Variants in OPCML observed in about 807,000 individuals in gnomAD.
OPCML encodes the protein opioid binding protein/cell adhesion molecule like.
OPCML carries 13 observed loss-of-function variants against 37.8 expected under a neutral mutation model. The observed-to-expected ratio is 0.34, with a 90% confidence interval of 0.22 to 0.55. The LOEUF (loss-of-function observed/expected upper bound fraction) is 0.55, where lower values mean the gene tolerates loss of function less well. Ranked by LOEUF, OPCML falls within the 20% of genes least tolerant of loss-of-function variation. The pLI is 0.91. For synonymous variants in OPCML, 176 were observed against 168.8 expected (o/e 1.04, Z -0.33); for missense variants, 341 against 435.6 (o/e 0.78, Z 1.93).
At chr11:133,029,774 G>C (rs937910553) in intron 1 of OPCML, among the ~76,000 whole-genome samples, 4 of 152,018 alleles carry the variant, frequency 2.6e-5, no homozygotes, top group African/African-American at 9.7e-5. Flanking sequence ...CTGCTACTCA[G>C]GTGACAGGAT....
At chr11:133,458,548 C>T (rs1406299024) in intron 1 of OPCML, among the ~76,000 whole-genome samples, 1 of 87,248 alleles carries the variant, frequency 1.1e-5, no homozygotes, top group Non-Finnish European at 1.9e-5. Context: ...CATATATACA[C>T]GTGTGTGTGT....
intron 4 of OPCML, among the ~76,000 whole-genome samples, chr11:132,494,797 A>G (rs2096226231): frequency 6.6e-6 from 1 of 152,238 alleles, no homozygotes; most frequent in Non-Finnish European, 1.5e-5. Context: ...CTCCATGTCA[A>G]CACAAACACC....
rs549980053 is a variant in OPCML at position 132,678,990 on chromosome 11, C to T, written c.147-21671G>A. Among the ~76,000 whole-genome samples, 13 of 152,144 alleles carry T rather than the reference C, an allele frequency of 8.5e-5. No homozygotes were observed. The East Asian group carries it at 2.5e-3, about 29-fold the overall frequency. On this transcript the variant is annotated intron_variant, in intron 2 of 7. Coordinates refer to ENST00000524381, the MANE Select transcript of OPCML (RefSeq NM_001012393.5). ...GGGGAGAGCAGGGGATGTGTGGGGA[C>T]TCTGTATATTTCTCTCAATTTTACT...
At chr11:132,989,193 A>G (rs76432086) in intron 1 of OPCML, among the ~76,000 whole-genome samples, 2,015 of 152,318 alleles carry the variant, frequency 0.013, 21 homozygotes, top group Middle Eastern at 0.024. Context: ...ATATTTTCAT[A>G]GCAACCCTGT....
At chr11:133,341,963 C>A (rs1299233729) in intron 1 of OPCML, among the ~76,000 whole-genome samples, 1 of 151,828 alleles carries the variant, frequency 6.6e-6, no homozygotes, top group Non-Finnish European at 1.5e-5. Context: ...TGAATCGGAA[C>A]CAGGAATTAA....
intron 1 of OPCML, among the ~76,000 whole-genome samples, chr11:133,524,203 C>G (rs1948446506): frequency 6.6e-6 from 1 of 152,166 alleles, no homozygotes; most frequent in Non-Finnish European, 1.5e-5. Flanking sequence ...AGGATGTCCG[C>G]CATTCAGAAT....
At chr11:133,201,571 G>A (rs1011687702) in intron 1 of OPCML, among the ~76,000 whole-genome samples, 3 of 152,124 alleles carry the variant, frequency 2.0e-5, no homozygotes, top group African/African-American at 7.2e-5. Context: ...GCTGACACCA[G>A]GAAGATGCGT....
chr11:132,561,182 T>C (rs565897016), intron 3 of OPCML, among the ~76,000 whole-genome samples: 2 of 152,198 alleles, frequency 1.3e-5, no homozygotes, highest in African/African-American at 4.8e-5. Context: ...TTCCACTTCA[T>C]CTTCACTATG....
chr11:132,597,392 A>G (rs948393741), intron 3 of OPCML, among the ~76,000 whole-genome samples: 6 of 152,218 alleles, frequency 3.9e-5, no homozygotes, highest in African/African-American at 1.4e-4. Flanking sequence ...GGCTTTTAAC[A>G]TATGGCTGGC....
chr11:133,418,822 AC>A (rs746084830), intron 1 of OPCML, among the ~76,000 whole-genome samples: 70 of 152,244 alleles, frequency 4.6e-4, no homozygotes, highest in Non-Finnish European at 8.1e-4. Context: ...TTTCCCAATT[AC>A]TTTTATAGAT....
At position 132,680,327 on chromosome 11, in the gene OPCML, A is replaced by G. The variant is rs142685071; in HGVS notation, c.147-23008T>C. Among the ~76,000 whole-genome samples the G allele has an allele frequency of 2.7e-3, 404 of 152,314 alleles. 1 individual carries two copies. The highest frequency in any genetic ancestry group is 9.2e-3 in the African/African-American group (383 of 41,572). ...TATATTTCAGTAGTGGTCTTCTCTG[A>G]GTCATCATCAGCATCACCAAGTATA... On this transcript the variant is annotated intron_variant, in intron 2 of 7. Transcript: ENST00000524381.
chr11:132,864,350 G>C (rs1379026415), intron 2 of OPCML, among the ~76,000 whole-genome samples: 2 of 152,160 alleles, frequency 1.3e-5, no homozygotes, highest in African/African-American at 2.4e-5. Flanking sequence ...AGAAGGTGAA[G>C]GGAAAAACCC....
At chr11:133,282,172 C>T (rs1942176025) in intron 1 of OPCML, among the ~76,000 whole-genome samples, 2 of 152,116 alleles carry the variant, frequency 1.3e-5, no homozygotes, top group African/African-American at 4.8e-5. Flanking sequence ...AAAAGGGAGC[C>T]AAGGCATTTC....
intron 1 of OPCML, among the ~76,000 whole-genome samples, chr11:132,979,642 A>C (rs1030407984): frequency 4.6e-5 from 7 of 152,236 alleles, no homozygotes; most frequent in Non-Finnish European, 8.8e-5. Context: ...ATGTGTTTAC[A>C]AATTAATGCA....
At chr11:133,280,548 A>G (rs1346493135) in intron 1 of OPCML, among the ~76,000 whole-genome samples, 2 of 152,202 alleles carry the variant, frequency 1.3e-5, no homozygotes, top group African/African-American at 2.4e-5. Context: ...ACATTTGCGC[A>G]TATCTCCAGA....
At chr11:133,151,685 G>A (rs1445746685) in intron 1 of OPCML, among the ~76,000 whole-genome samples, 1 of 152,184 alleles carries the variant, frequency 6.6e-6, no homozygotes, top group African/African-American at 2.4e-5. Flanking sequence ...CTCTGTCCCA[G>A]AGGCTATTCT....
intron 2 of OPCML, among the ~76,000 whole-genome samples, chr11:132,878,448 T>A (rs1377978738): frequency 6.6e-6 from 1 of 152,200 alleles, no homozygotes; most frequent in Non-Finnish European, 1.5e-5. Context: ...TTTCTCTCCC[T>A]GCCTGATGGG....
chr11:133,024,455 A>G, intron 1 of OPCML: 9 of 983,390 alleles, frequency 9.2e-6, no homozygotes, highest in Non-Finnish European at 1.1e-5. Flanking sequence ...GAAGAGAAGC[A>G]GCTGCTCACA....
chr11:132,705,133 C>T (rs1410203597), intron 2 of OPCML, among the ~76,000 whole-genome samples: 1 of 152,068 alleles, frequency 6.6e-6, no homozygotes, highest in Non-Finnish European at 1.5e-5. Flanking sequence ...GGATATGTGT[C>T]CCCACCCAAA....
Sources: allele counts gnomAD v4.1 joint callset (sites outside exome capture counted in the v4.1 genomes callset), GRCh38; gene constraint gnomAD v4.1.1; transcripts MANE v1.5; gene names NCBI Gene and HGNC (gene_info 2026-07-23, HGNC 2026-07-21).